BCR: variants seen among roughly 807,000 people sequenced by gnomAD.
BCR encodes the protein breakpoint cluster region protein.
BCR carries 58 observed loss-of-function variants against 138.6 expected under a neutral mutation model. The observed-to-expected ratio is 0.42, with a 90% confidence interval of 0.34 to 0.52. BCR has a LOEUF of 0.52. Among genes scored for constraint, BCR ranks in the 20% least tolerant of loss-of-function variants. The probability of loss-of-function intolerance (pLI) is 0.06; values close to 1 mark genes in which losing one functional copy is unlikely to be tolerated. For synonymous variants in BCR, 786 were observed against 730.1 expected, an observed-to-expected ratio of 1.08 and a Z score of -1.23; for missense variants, 1,599 against 1,727.2, an observed-to-expected ratio of 0.93 and a Z score of 1.32.
At chr22:23,314,509 G>A (rs762042735) in intron 21 of BCR, 43 bp from the exon 22 acceptor site, 23 of 1,608,202 alleles carry the variant, frequency 1.4e-5, no homozygotes, top group Non-Finnish European at 1.9e-5. Flanking sequence ...CTCTCTCCTG[G>A]GGGTGGCGTT....
At chr22:23,212,834 A>G (rs958878386) in intron 1 of BCR, among the ~76,000 whole-genome samples, 1 of 152,228 alleles carries the variant, frequency 6.6e-6, no homozygotes, top group Non-Finnish European at 1.5e-5. Context: ...GAGATGTGGC[A>G]GCTGCAAGCT....
chr22:23,188,457 G>A lies in BCR; in HGVS notation c.1279+6218G>A, dbSNP rs544921297. On this transcript the variant is annotated intron_variant, in intron 1 of 22. Transcript: ENST00000305877. The stretch of plus-strand genomic sequence containing the variant: ...CCTGTGGCTGGGAGGGCTTGTGTTT[G>A]TGACTGCTAACCTCACCAGGACAAA... Among the ~76,000 whole-genome samples the A allele has an allele frequency of 1.7e-4, 26 of 152,324 alleles. No homozygotes were observed. In the East Asian group the frequency reaches 3.7e-3, roughly 21 times the overall value.
intron 14 of BCR, among the ~76,000 whole-genome samples, chr22:23,291,356 C>T (rs569945933): frequency 4.6e-5 from 7 of 151,910 alleles, no homozygotes; most frequent in Non-Finnish European, 8.8e-5. Flanking sequence ...CGTGAAAAGA[C>T]TGTGGTGCTG....
intron 16 of BCR, among the ~76,000 whole-genome samples, chr22:23,307,948 G>T (rs983513380): frequency 4.4e-4 from 60 of 134,866 alleles, no homozygotes; most frequent in Middle Eastern, 3.5e-3. Context: ...GGCTGTAGCC[G>T]CTAGGGTCCC....
intron 2 of BCR, among the ~76,000 whole-genome samples, chr22:23,257,100 C>T (rs2073303011): frequency 6.6e-6 from 1 of 152,168 alleles, no homozygotes. Flanking sequence ...AGCCCCAGGC[C>T]AGGCCCTGCC....
rs764959319 is a variant in BCR, at chr22:23,312,973, G to A, written c.3409G>A (p.Glu1137Lys). The change falls in exon 20 of 23, where the codon GAG becomes AAG. Residue 1137 changes from glutamate to lysine, a missense_variant. Glu to Lys is a moderately conservative substitution (Grantham distance 56, BLOSUM62 1). Coordinates refer to ENST00000305877, the MANE Select transcript of BCR (RefSeq NM_004327.4). Reference protein sequence around the residue: ...TLKLYFRELPEPLFTDEFYPN... With the variant: ...TLKLYFRELPKPLFTDEFYPN... Reference sequence around the variant, plus strand: ...GAAGCTGTACTTCCGTGAGCTGCCCGAGCCCCTCTTCACTGACGAGTTCTA... The same window carrying A: ...GAAGCTGTACTTCCGTGAGCTGCCCAAGCCCCTCTTCACTGACGAGTTCTA... 1.3e-5 allele frequency: 20 copies of A among 1,591,782 alleles called. No homozygotes were observed. Among genetic ancestry groups the A allele is most frequent in the Non-Finnish European group, 1.6e-5 (19 of 1,175,344 alleles).
chr22:23,292,717 C>T, intron 15 of BCR, 79 bp downstream of exon 15: 2 of 1,290,230 alleles, frequency 1.6e-6, no homozygotes, highest in Non-Finnish European at 1.1e-6. Flanking sequence ...TCTAAACCTT[C>T]AGGGGCTCCC....
chr22:23,240,507 C>T (rs1040156196), intron 1 of BCR, among the ~76,000 whole-genome samples: 22 of 151,936 alleles, frequency 1.4e-4, no homozygotes, highest in African/African-American at 4.8e-4. Context: ...AAAAATCAGC[C>T]GGGCGTGGTG....
chr22:23,242,850 C>A lies in BCR; in HGVS notation c.1280-10949C>A, dbSNP rs538676278. 4.7e-4 allele frequency: 215 copies of A among 455,662 alleles called. 5 individuals are homozygous for A. The highest frequency in any genetic ancestry group is 3.3e-3 in the South Asian group (213 of 64,458). The allele number at this position is 455,662 out of a possible 1,614,324, so 28.2% of individuals were successfully genotyped here. The stretch of plus-strand genomic sequence containing the variant: ...GACTGAAGTCCCACATCAAGGTGTC[C>A]GCAGGGCCAGGCTGTCTCTGGAGGC... On this transcript the variant is annotated intron_variant, in intron 1 of 22. Coordinates refer to ENST00000305877, the MANE Select transcript of BCR (RefSeq NM_004327.4).
chr22:23,279,899 G>T (rs77117959), intron 8 of BCR, among the ~76,000 whole-genome samples: 2 of 152,206 alleles, frequency 1.3e-5, no homozygotes, highest in African/African-American at 4.8e-5. Context: ...AGATCCGGCA[G>T]GGTGCCAGCA....
At position 23,290,335 on chromosome 22, in the gene BCR, G is replaced by A. The variant is rs75508658; in HGVS notation, c.2708-4G>A. The A allele has an allele frequency of 5.9e-4, 946 of 1,613,796 alleles. 6 individuals are homozygous for A. In the African/African-American group the frequency reaches 0.01, roughly 18 times the overall value. ...GAAGCTGACCTCTTTGATCTCTTGC[G>A]CAGATGATGAGTCTCCGGGGCTCTA... On this transcript the variant is annotated splice_region_variant and splice_polypyrimidine_tract_variant and intron_variant, in intron 13 of 22. Transcript: ENST00000305877.
intron 5 of BCR, among the ~76,000 whole-genome samples, chr22:23,270,043 A>G (rs1303693390): frequency 1.3e-5 from 2 of 152,118 alleles, no homozygotes; most frequent in African/African-American, 2.4e-5. Context: ...TCAGGGCGAC[A>G]TGCACTTTGG....
intron 1 of BCR, among the ~76,000 whole-genome samples, chr22:23,191,796 AATC>A (rs1040538866): frequency 7.9e-5 from 12 of 152,138 alleles, no homozygotes; most frequent in African/African-American, 2.9e-4. Context: ...AACCCCGCTT[AATC>A]ATGTCTAATA....
Position 23,253,747 on chromosome 22 carries a change from A to T in BCR, c.1280-52A>T, listed in dbSNP as rs954673077. The T allele has an allele frequency of 3.2e-6, 5 of 1,563,630 alleles. No individual in the cohort carries two copies. In the African/African-American group the frequency reaches 4.0e-5, roughly 13 times the overall value. On this transcript the variant is annotated intron_variant, in intron 1 of 22. Transcript: ENST00000305877. ...GGGTGCTTGCTGGGATGGGTTGAGT[A>T]TGGATGCTCCCTTCTCTGTCTCTAA... is the stretch of plus-strand genomic sequence containing the variant.
At chr22:23,240,349 C>CTG (rs2073075536) in intron 1 of BCR, among the ~76,000 whole-genome samples, 1 of 135,380 alleles carries the variant, frequency 7.4e-6, no homozygotes, top group Non-Finnish European at 1.6e-5. Flanking sequence ...GTGTGTCTGT[C>CTG]TATGTGTGAA....
chr22:23,190,110 A>G (rs1214656700), intron 1 of BCR, among the ~76,000 whole-genome samples: 2 of 152,114 alleles, frequency 1.3e-5, no homozygotes, highest in Non-Finnish European at 2.9e-5. Flanking sequence ...CTGCCTCTGC[A>G]CATGGTCTTT....
intron 1 of BCR, among the ~76,000 whole-genome samples, chr22:23,216,191 T>G (rs2072749754): frequency 6.6e-6 from 1 of 152,180 alleles, no homozygotes; most frequent in South Asian, 2.1e-4. Flanking sequence ...AACATGAATG[T>G]CTGTGTTTCT....
intron 8 of BCR, among the ~76,000 whole-genome samples, chr22:23,276,155 T>G (rs2073573528): frequency 6.6e-6 from 1 of 152,086 alleles, no homozygotes; most frequent in Non-Finnish European, 1.5e-5. Context: ...ATCCTAGTAC[T>G]TTGGGAGGCC....
chr22:23,183,118 C>T, intron 1 of BCR, among the ~76,000 whole-genome samples: 1 of 152,214 alleles, frequency 6.6e-6, no homozygotes, highest in East Asian at 1.9e-4. Context: ...AAGATTAAAA[C>T]TATGGGATTG....
Sources: allele counts gnomAD v4.1 joint callset (sites outside exome capture counted in the v4.1 genomes callset), GRCh38; gene constraint gnomAD v4.1.1; transcripts MANE v1.5; gene names NCBI Gene and HGNC (gene_info 2026-07-23, HGNC 2026-07-21).